AP5Z1: variants seen among roughly 807,000 people sequenced by gnomAD.
AP5Z1 encodes the protein adaptor related protein complex 5 subunit zeta 1, also known as AP-5 complex subunit zeta-1.
In AP5Z1, 106 loss-of-function variants were observed where a neutral mutation model predicts 83.0. The observed-to-expected ratio is 1.28, with a 90% CI of 1.09 to 1.50. AP5Z1 has a LOEUF of 1.50. AP5Z1 is among the 40% of genes most tolerant of loss of function. The probability of loss-of-function intolerance (pLI) is 0.00; values close to 1 mark genes in which losing one functional copy is unlikely to be tolerated. For synonymous variants in AP5Z1, 751 were observed against 514.1 expected (o/e 1.46, Z -6.23); for missense variants, 1,565 against 1,094.2 (o/e 1.43, Z -6.07).
intron 1 of AP5Z1, among the ~76,000 whole-genome samples, chr7:4,777,977 G>C (rs906795254): frequency 5.3e-5 from 8 of 152,232 alleles, no homozygotes; most frequent in African/African-American, 1.9e-4. Flanking sequence ...CGAACACTTC[G>C]GGAGGCCGAG....
At chr7:4,784,518 C>G in intron 6 of AP5Z1, 147 bp downstream of exon 6, 1 of 1,043,266 alleles carries the variant, frequency 9.6e-7, no homozygotes, top group Non-Finnish European at 1.4e-6. Context: ...AGCCTGCTGA[C>G]CTGGAGCTAG....
intron 5 of AP5Z1, 44 bp from the exon 6 acceptor site, chr7:4,784,159 C>A (rs777854428): frequency 6.5e-7 from 1 of 1,533,304 alleles, no homozygotes; most frequent in Non-Finnish European, 8.8e-7. Context: ...GCGTTTTTCC[C>A]GGCCTCGGCC....
rs1471398474 is a variant in AP5Z1 at position 4,784,961 on chromosome 7, TCTGCCGGCCGCCTG to T, written c.851_864del (p.Gly284AlafsTer18). The T allele has an allele frequency of 6.2e-7, 1 of 1,612,040 alleles. No individual in the cohort carries two copies. Among genetic ancestry groups the T allele is most frequent in the Non-Finnish European group, 8.5e-7 (1 of 1,179,448 alleles). On this transcript the variant is annotated frameshift_variant, in exon 7 of 17. Transcript: ENST00000649063. LOFTEE classifies it high-confidence loss of function. ...TCTGTCGGTGATCTCCGCCACCTCC[TCTGCCGGCCGCCTG>T]CTGCCGCCCCGGGAGCGGCTTCGGG...
chr7:4,783,421 G>A lies in AP5Z1; in HGVS notation c.472G>A (p.Ala158Thr). 1 of 1,613,022 alleles carries A rather than the reference G, an allele frequency of 6.2e-7. No homozygotes were observed. The highest frequency in any genetic ancestry group is 8.5e-7 in the Non-Finnish European group (1 of 1,179,762). The part of the protein sequence containing the change: ...PSLRHLLPVM[A>T]KVVVLSPGTL... ...CCTCAGACACCTCCTCCCCGTCATG[G>A]CCAAGGTCGTGGTCCTCAGCCCGGG... Residue 158 changes from alanine to threonine, a missense_variant, in exon 4 of 17, where the codon GCC becomes ACC. Physicochemically the swap from Ala to Thr is moderately conservative, Grantham distance 58 (BLOSUM62 0). Transcript: ENST00000649063.
Position 4,790,549 on chromosome 7 carries a change from C to T in AP5Z1, c.1896C>T (p.Ser632=), listed in dbSNP as rs369050593. The change falls in exon 15 of 17, where the codon AGC becomes AGT. Residue 632 remains serine, a synonymous_variant. Transcript: ENST00000649063. ...LARDLLEFLG[S]VNGLCSRASL... ...GAGACCTGCTGGAGTTCCTGGGCAG[C>T]GTGAATGGTCTCTGCAGCAGGGCGA... The T allele has an allele frequency of 1.9e-5, 30 of 1,613,002 alleles. No individual in the cohort carries two copies. Among genetic ancestry groups the T allele is most frequent in the African/African-American group, 1.7e-4 (13 of 74,920 alleles).
chr7:4,791,243 C>G lies in AP5Z1; in HGVS notation c.2282C>G (p.Pro761Arg). The stretch of plus-strand genomic sequence containing the variant: ...GAGCTGCTGACCCTGCTGAAGATGC[C>G]TAGCGTGGCCCAGTTTGTGCTCACA... ...ATELLTLLKM[P>R]SVAQFVLTPS... Residue 761 changes from proline to arginine, a missense_variant, in exon 17 of 17, where the codon CCT (proline) becomes CGT (arginine). By Grantham distance (103) the Pro-to-Arg change is moderately radical (BLOSUM62 -2). Transcript: ENST00000649063. 2 of 1,612,772 alleles carry G rather than the reference C, an allele frequency of 1.2e-6. No individual in the cohort carries two copies. The highest frequency in any genetic ancestry group is 1.7e-6 in the Non-Finnish European group (2 of 1,179,862).
Position 4,788,240 on chromosome 7 carries a change from TC to T in AP5Z1, c.1543del (p.Gln515ArgfsTer53). ...SCLEAFRDPQ[F>X]QGLFQYLLRP... ...CTGGAGGCCTTCCGGGACCCGCAGT[TC>T]CAGGGTCTTTTCCAATACCTGCTGC... On this transcript the variant is annotated frameshift_variant, in exon 12 of 17. Transcript: ENST00000649063. LOFTEE classifies it high-confidence loss of function. The T allele has an allele frequency of 6.3e-7, 1 of 1,583,550 alleles. No homozygotes were observed. Among genetic ancestry groups the T allele is most frequent in the Non-Finnish European group, 8.6e-7 (1 of 1,166,242 alleles).
rs189597039 is a variant in AP5Z1 at position 4,787,347 on chromosome 7, A to G, written c.1312-287A>G. On this transcript the variant is annotated intron_variant, in intron 10 of 16. Transcript: ENST00000649063. The stretch of plus-strand genomic sequence containing the variant: ...GTCTACAAAAAGTAAACAGCCTCAC[A>G]TGGTGGTGTGTGCCTGTAGTCTCAG... Among the ~76,000 whole-genome samples, 23 of 152,102 alleles carry G rather than the reference A, an allele frequency of 1.5e-4. No individual in the cohort carries two copies. In the East Asian group the frequency reaches 3.1e-3, roughly 21 times the overall value.
At chr7:4,778,007 C>T (rs984213881) in intron 1 of AP5Z1, among the ~76,000 whole-genome samples, 4 of 152,206 alleles carry the variant, frequency 2.6e-5, no homozygotes, top group Non-Finnish European at 4.4e-5. Context: ...TCGCTTGAGG[C>T]TAGGACTTTG....
rs1781836070 is a variant in AP5Z1, at chr7:4,793,029, C to T, written c.*1644C>T. 6.5e-6 allele frequency: 1 copy of T among 153,052 alleles called. No homozygotes were observed. The highest frequency in any genetic ancestry group is 2.0e-4 in the South Asian group (1 of 4,908). The allele number at this position is 153,052 out of a possible 1,614,324, so 9.5% of individuals were successfully genotyped here. On this transcript the variant is annotated 3_prime_UTR_variant, in exon 17 of 17. Transcript: ENST00000649063. The stretch of plus-strand genomic sequence containing the variant: ...TCCTGGCTCCCAGCTCCCAGGCACT[C>T]GTGGGGCCACCGCCCAGGCCAGCTG...
Position 4,791,734 on chromosome 7 carries a change from A to G in AP5Z1, c.*349A>G, listed in dbSNP as rs2115132725. 5.5e-6 allele frequency: 2 copies of G among 360,726 alleles called. No individual in the cohort carries two copies. The highest frequency in any genetic ancestry group is 4.3e-5 in the Admixed American group (1 of 23,320). 22.3% of individuals were successfully genotyped at this position (360,726 alleles called of 1,614,324 possible). A position where few individuals can be genotyped will look rare whatever the true frequency, so the allele number is the denominator to read the frequency against. ...GTTGATGGGCAAGAAGAGCTGCAGT[A>G]AAAGTAAATCTCCTTTAATAAGCGT... On this transcript the variant is annotated 3_prime_UTR_variant, in exon 17 of 17. Coordinates refer to ENST00000649063, the MANE Select transcript of AP5Z1 (RefSeq NM_014855.3).
chr7:4,790,192 C>T (rs1360062201), intron 14 of AP5Z1: 5 of 1,544,774 alleles, frequency 3.2e-6, no homozygotes, highest in Non-Finnish European at 2.6e-6. Context: ...CGTCTTGTCC[C>T]CTGGGGTCCT....
intron 10 of AP5Z1, 187 bp from the exon 11 acceptor site, chr7:4,787,447 C>G: frequency 3.6e-6 from 3 of 822,954 alleles, no homozygotes; most frequent in Non-Finnish European, 5.4e-6. Flanking sequence ...GATTGCACCA[C>G]TGCACTCCAG....
At chr7:4,785,814 C>G (rs143028557) in intron 9 of AP5Z1, 130 bp downstream of exon 9, 1 of 1,277,134 alleles carries the variant, frequency 7.8e-7, no homozygotes, top group African/African-American at 1.5e-5. Flanking sequence ...GCTGTGTTGC[C>G]CAGGCTGGTC....
intron 5 of AP5Z1, 81 bp downstream of exon 5, chr7:4,783,879 C>T (rs892194379): frequency 1.6e-5 from 22 of 1,402,430 alleles, no homozygotes; most frequent in African/African-American, 5.7e-5. Flanking sequence ...CCCACAGCGG[C>T]GAGGCCTGCT....
chr7:4,783,846 A>G (rs925113740), intron 5 of AP5Z1, 48 bp downstream of exon 5: 6 of 1,515,826 alleles, frequency 4.0e-6, no homozygotes, highest in Admixed American at 2.0e-5. Flanking sequence ...GTCACAGACA[A>G]CCCCTCCCTG....
In AP5Z1 at chr7:4,785,592, T is replaced by G; in HGVS notation, c.1040T>G (p.Leu347Arg). The G allele has an allele frequency of 6.2e-7, 1 of 1,602,296 alleles. No homozygotes were observed. The highest frequency in any genetic ancestry group is 8.5e-7 in the Non-Finnish European group (1 of 1,175,984). ...GACCCGTCCTTCCTGTACCGAAGTC[T>G]CTCCTGCCTGAAGGCCCTGCACGGG... ...RQDPSFLYRS[L>R]SCLKALHGRV... is the part of the protein sequence containing the mutation. Residue 347 changes from leucine (L) to arginine (R), a missense_variant, in exon 9 of 17, where the codon CTC (leucine) becomes CGC (arginine). Coordinates refer to ENST00000649063, the MANE Select transcript of AP5Z1 (RefSeq NM_014855.3).
rs1000712953 is a variant in AP5Z1, at chr7:4,785,512, T to C, written c.970-10T>C. On this transcript the variant is annotated splice_polypyrimidine_tract_variant and intron_variant, in intron 8 of 16. Transcript: ENST00000649063. The stretch of plus-strand genomic sequence containing the variant: ...GACTCGGCCCATTTGATGTGGTCCA[T>C]GTCCCGCAGTGCCTGGTGGAGGCCG... The C allele has an allele frequency of 6.2e-7, 1 of 1,613,290 alleles. No homozygotes were observed. The highest frequency in any genetic ancestry group is 1.3e-5 in the African/African-American group (1 of 74,940).
chr7:4,776,055 C>G (rs970179787), intron 1 of AP5Z1, among the ~76,000 whole-genome samples: 2 of 152,132 alleles, frequency 1.3e-5, no homozygotes, highest in Non-Finnish European at 2.9e-5. Flanking sequence ...GAGAACTCCG[C>G]GTCTGGCAGG....
Sources: gnomAD v4.1 joint callset for allele counts (sites outside exome capture counted in the v4.1 genomes callset) on GRCh38, gnomAD v4.1.1 for gene constraint, MANE v1.5 for transcripts, NCBI Gene and HGNC (gene_info 2026-07-23, HGNC 2026-07-21) for gene names.